IFNAR1: variants seen among roughly 807,000 people sequenced by gnomAD.
The protein encoded by IFNAR1 is interferon alpha and beta receptor subunit 1.
IFNAR1 carries 47 observed loss-of-function variants against 62.1 expected under a neutral mutation model. The ratio of observed to expected loss-of-function variants is 0.76; its 90% CI spans 0.60 to 0.97. The LOEUF is 0.97. Ranked by LOEUF, IFNAR1 falls within the 50% of genes least tolerant of loss-of-function variation. The pLI is 0.00. For synonymous variants in IFNAR1, 219 were observed against 226.9 expected (o/e 0.97, Z 0.31); for missense variants, 638 against 654.5 (o/e 0.97, Z 0.27).
At chr21:33,328,443 A>G (rs1393961804) in intron 1 of IFNAR1, among the ~76,000 whole-genome samples, 1 of 152,200 alleles carries the variant, frequency 6.6e-6, no homozygotes, top group South Asian at 2.1e-4. Context: ...GCCCTTGGTC[A>G]GGAGAAGGGG....
rs1470139192 is a variant in IFNAR1 at position 33,349,150 on chromosome 21, G to A, written c.848G>A (p.Cys283Tyr). 2.5e-6 allele frequency: 4 copies of A among 1,613,168 alleles called. No individual in the cohort carries two copies. The highest frequency in any genetic ancestry group is 1.7e-5 in the Admixed American group (1 of 59,980). ...HLYKWKQIPD[C>Y]ENVKTTQCVF... ...TATAAATGGAAACAAATACCTGACT[G>A]TGAAAATGTCAAAACTACCCAGTGT... The change falls in exon 7 of 11, where the codon TGT becomes TAT. Residue 283 changes from cysteine (C) to tyrosine (Y), a missense_variant. Cys to Tyr is a radical substitution (Grantham distance 194, BLOSUM62 -2). Coordinates refer to ENST00000270139, the MANE Select transcript of IFNAR1 (RefSeq NM_000629.3).
At position 33,341,093 on chromosome 21, in the gene IFNAR1, G is replaced by A. The variant is rs748209629; in HGVS notation, c.295G>A (p.Glu99Lys). The A allele has an allele frequency of 6.2e-7, 1 of 1,613,068 alleles. No homozygotes were observed. The highest frequency in any genetic ancestry group is 1.7e-5 in the Admixed American group (1 of 60,002). Residue 99 changes from glutamate to lysine, a missense_variant, in exon 3 of 11, where the codon GAA becomes AAA. Glu to Lys is a moderately conservative substitution (Grantham distance 56, BLOSUM62 1). Coordinates refer to ENST00000270139, the MANE Select transcript of IFNAR1 (RefSeq NM_000629.3). ...FSSLKLNVYE[E>K]IKLRIRAEKE... ...TTCACTCAAGCTGAATGTTTATGAA[G>A]AAATTAAATTGCGTATAAGAGCAGA... is the stretch of plus-strand genomic sequence containing the variant.
intron 1 of IFNAR1, among the ~76,000 whole-genome samples, chr21:33,332,791 T>G (rs1422982990): frequency 6.6e-6 from 1 of 152,134 alleles, no homozygotes; most frequent in Non-Finnish European, 1.5e-5. Flanking sequence ...TCTCTGAACT[T>G]GAAGATATAC....
At position 33,325,018 on chromosome 21, in the gene IFNAR1, G is replaced by A; in HGVS notation, c.-38G>A. 2 of 1,556,426 alleles carry A rather than the reference G, an allele frequency of 1.3e-6. No individual in the cohort carries two copies. The highest frequency in any genetic ancestry group is 1.7e-6 in the Non-Finnish European group (2 of 1,147,314). ...GGCGGCTGAGAGGAGCTGCGCGTGCGCGAACATGTAACTGGTGGGATCTGC... is the reference window on the plus strand; with the variant it reads ...GGCGGCTGAGAGGAGCTGCGCGTGCACGAACATGTAACTGGTGGGATCTGC... On this transcript the variant is annotated 5_prime_UTR_variant, in exon 1 of 11. Transcript: ENST00000270139.
intron 6 of IFNAR1, among the ~76,000 whole-genome samples, chr21:33,345,700 A>C (rs1375059966): frequency 2.6e-5 from 4 of 152,222 alleles, no homozygotes; most frequent in Admixed American, 2.6e-4. Context: ...GTTGACCCTG[A>C]TCTTTTTCTA....
Position 33,349,555 on chromosome 21 carries a change from G to A in IFNAR1, c.1143+12G>A, listed in dbSNP as rs199669022. 48 of 1,537,984 alleles carry A rather than the reference G, an allele frequency of 3.1e-5. No individual in the cohort carries two copies. The Middle Eastern group carries it at 6.9e-4, about 22-fold the overall frequency. On this transcript the variant is annotated intron_variant, in intron 8 of 10. Coordinates refer to ENST00000270139, the MANE Select transcript of IFNAR1 (RefSeq NM_000629.3). ...CTTCAAATGCTGAGGTAAAAAGACT[G>A]TATAGTATAATTTTGTAACTTAGAG...
In IFNAR1 at chr21:33,349,518, T is replaced by G; in HGVS notation, c.1118T>G (p.Phe373Cys). ...TATCCACTGATTTATGAAATTATTT[T>G]TTGGGAAAACACTTCAAATGCTGAG... The part of the protein sequence containing the change: ...QDYPLIYEII[F>C]WENTSNAERK... The change falls in exon 8 of 11, where the codon TTT (phenylalanine) becomes TGT (cysteine). Residue 373 changes from phenylalanine (F) to cysteine (C), a missense_variant. Phe to Cys is a radical substitution (Grantham distance 205, BLOSUM62 -2). Transcript: ENST00000270139. 4 of 1,610,412 alleles carry G rather than the reference T, an allele frequency of 2.5e-6. No homozygotes were observed. The highest frequency in any genetic ancestry group is 3.4e-6 in the Non-Finnish European group (4 of 1,177,936).
chr21:33,327,848 G>T (rs940246004), intron 1 of IFNAR1, among the ~76,000 whole-genome samples: 2 of 152,142 alleles, frequency 1.3e-5, no homozygotes, highest in Admixed American at 1.3e-4. Context: ...TGATTGGTTC[G>T]ATCTGGAAAG....
rs538856485 is a variant in IFNAR1 at position 33,349,191 on chromosome 21, G to A, written c.889G>A (p.Val297Ile). The A allele has an allele frequency of 1.5e-5, 25 of 1,613,124 alleles. No individual in the cohort carries two copies. The highest frequency in any genetic ancestry group is 3.3e-4 in the Middle Eastern group (2 of 6,056). ...KTTQCVFPQN[V>I]FQKGIYLLRV... ...TACCCAGTGTGTCTTTCCTCAAAACGTTTTCCAAAAAGGAATTTACCTTCT... is the reference window on the plus strand; with the variant it reads ...TACCCAGTGTGTCTTTCCTCAAAACATTTTCCAAAAAGGAATTTACCTTCT... Residue 297 changes from valine (V) to isoleucine (I), a missense_variant, in exon 7 of 11, where the codon GTT becomes ATT. Transcript: ENST00000270139.
chr21:33,344,227 G>A (rs988680850), intron 5 of IFNAR1, among the ~76,000 whole-genome samples: 2 of 152,180 alleles, frequency 1.3e-5, no homozygotes, highest in Non-Finnish European at 2.9e-5. Context: ...TCCACATGAA[G>A]CAGGAGGTAG....
chr21:33,342,113 T>C (rs1195437400), intron 3 of IFNAR1, among the ~76,000 whole-genome samples: 1 of 152,164 alleles, frequency 6.6e-6, no homozygotes, highest in Non-Finnish European at 1.5e-5. Flanking sequence ...ATAATTCCTT[T>C]AAGAATGTAA....
In IFNAR1 at chr21:33,345,294, A is replaced by G. The variant is rs2123251866; in HGVS notation, c.722A>G (p.Asn241Ser). ...PPENIEVSVQ[N>S]QNYVLKWDYT... Reference sequence around the variant, plus strand: ...GAAAATATAGAAGTCAGTGTCCAAAATCAGAACTATGTTCTTAAATGGGAT... The same window carrying G: ...GAAAATATAGAAGTCAGTGTCCAAAGTCAGAACTATGTTCTTAAATGGGAT... Residue 241 changes from asparagine to serine, a missense_variant, in exon 6 of 11, where the codon AAT (asparagine) becomes AGT (serine). Asn to Ser is a conservative substitution (Grantham distance 46, BLOSUM62 1). Coordinates refer to ENST00000270139, the MANE Select transcript of IFNAR1 (RefSeq NM_000629.3). 2 of 1,608,194 alleles carry G rather than the reference A, an allele frequency of 1.2e-6. No individual in the cohort carries two copies. The highest frequency in any genetic ancestry group is 1.7e-5 in the Admixed American group (1 of 59,762).
chr21:33,335,496 A>G, intron 1 of IFNAR1, 28 bp from the exon 2 acceptor site: 1 of 1,374,688 alleles, frequency 7.3e-7, no homozygotes, highest in Non-Finnish European at 1.0e-6. Context: ...TTTGTATATA[A>G]TGTTCTTATT....
chr21:33,355,196 C>T, intron 10 of IFNAR1, 120 bp from the exon 11 acceptor site: 2 of 586,896 alleles, frequency 3.4e-6, no homozygotes, highest in Non-Finnish European at 3.0e-6. Context: ...TTTTAATATG[C>T]ATGCCAGAAG....
chr21:33,352,856 G>T lies in IFNAR1; in HGVS notation c.1242G>T (p.Lys414Asn). ...CCAGAGCACACACCATGGATGAAAA[G>T]CTGAATAAAAGCAGTGTTTTTAGTG... ...VKARAHTMDE[K>N]LNKSSVFSDA... is the part of the protein sequence containing the mutation. Residue 414 changes from lysine to asparagine, a missense_variant, in exon 9 of 11, where the codon AAG becomes AAT. Coordinates refer to ENST00000270139, the MANE Select transcript of IFNAR1 (RefSeq NM_000629.3). 2 of 1,605,140 alleles carry T rather than the reference G, an allele frequency of 1.2e-6. No homozygotes were observed. The highest frequency in any genetic ancestry group is 1.7e-6 in the Non-Finnish European group (2 of 1,173,730).
At chr21:33,353,338 TATTAA>T (rs1250697900) in intron 9 of IFNAR1, among the ~76,000 whole-genome samples, 3 of 152,160 alleles carry the variant, frequency 2.0e-5, no homozygotes, top group Admixed American at 1.3e-4. Flanking sequence ...ACAGAATATC[TATTAA>T]ATTTTGCTAG....
chr21:33,340,192 G>C (rs1029443580), intron 2 of IFNAR1, among the ~76,000 whole-genome samples: 5 of 151,898 alleles, frequency 3.3e-5, no homozygotes, highest in African/African-American at 1.2e-4. Context: ...TGTAATAGAA[G>C]AAATTACGGA....
intron 5 of IFNAR1, among the ~76,000 whole-genome samples, chr21:33,344,133 G>A (rs888570067): frequency 2.6e-5 from 4 of 151,938 alleles, no homozygotes; most frequent in African/African-American, 9.7e-5. Context: ...TCGGGAGCAA[G>A]GGGGACAAAG....
chr21:33,341,329 A>G (rs1601858776), intron 3 of IFNAR1, among the ~76,000 whole-genome samples, 155 bp downstream of exon 3: 1 of 152,202 alleles, frequency 6.6e-6, no homozygotes, highest in Admixed American at 6.5e-5. Flanking sequence ...CTATGGCTCC[A>G]TTTGTCCTAC....
Sources: allele counts gnomAD v4.1 joint callset (sites outside exome capture counted in the v4.1 genomes callset), GRCh38; gene constraint gnomAD v4.1.1; transcripts MANE v1.5; gene names NCBI Gene and HGNC (gene_info 2026-07-23, HGNC 2026-07-21).